The following SGCZ variants were observed in gnomAD, a reference collection of about 807,000 sequenced individuals.
SGCZ encodes the protein sarcoglycan zeta, also known as zeta-sarcoglycan.
A neutral mutation model predicts 41.3 loss-of-function variants in SGCZ; 40 were observed. That is an observed-to-expected ratio of 0.97 (90% confidence interval 0.75 to 1.26). The LOEUF (loss-of-function observed/expected upper bound fraction) is 1.26. SGCZ is among the 50% of genes most tolerant of loss of function. The probability of loss-of-function intolerance (pLI) is 0.00; values close to 1 mark genes in which losing one functional copy is unlikely to be tolerated. For missense variants in SGCZ, 552 were observed against 369.8 expected, an observed-to-expected ratio of 1.49 and a Z score of -4.04; for synonymous variants, 206 against 137.5, an observed-to-expected ratio of 1.50 and a Z score of -3.49.
At position 14,679,235 on chromosome 8, in the gene SGCZ, A is replaced by C. The variant is rs1808366835; in HGVS notation, c.40-124309T>G. Among the ~76,000 whole-genome samples the C allele has an allele frequency of 1.3e-5, 2 of 152,114 alleles. 1 individual carries two copies. Among genetic ancestry groups the C allele is most frequent in the South Asian group, 4.1e-4 (2 of 4,828 alleles). ...TGGTTCATATATTTACTATACCATA[A>C]ATTGTATTATTATTTTAGAGTGTGC... On this transcript the variant is annotated intron_variant, in intron 1 of 7. Transcript: ENST00000382080.
intron 1 of SGCZ, among the ~76,000 whole-genome samples, chr8:14,807,381 G>C (rs922427533): frequency 1.3e-4 from 20 of 152,194 alleles, no homozygotes; most frequent in Non-Finnish European, 2.4e-4. Context: ...CTTCAGCAAA[G>C]TCTCAGGACA....
chr8:14,524,308 T>C (rs1463824633), intron 2 of SGCZ, among the ~76,000 whole-genome samples: 1 of 152,002 alleles, frequency 6.6e-6, no homozygotes, highest in Non-Finnish European at 1.5e-5. Flanking sequence ...TCCAGGATCC[T>C]GTCCATTGAA....
chr8:14,289,427 C>G (rs1371921756), intron 3 of SGCZ, among the ~76,000 whole-genome samples: 1 of 151,884 alleles, frequency 6.6e-6, no homozygotes, highest in Non-Finnish European at 1.5e-5. Flanking sequence ...GTCTTAGATC[C>G]TTTATGAGAC....
intron 1 of SGCZ, among the ~76,000 whole-genome samples, chr8:15,131,580 T>C (rs1807902161): frequency 6.6e-6 from 1 of 152,218 alleles, no homozygotes; most frequent in South Asian, 2.1e-4. Context: ...TAAAGTGAAA[T>C]CATAAATATT....
intron 2 of SGCZ, among the ~76,000 whole-genome samples, chr8:14,552,986 G>C (rs186966830): frequency 6.6e-6 from 1 of 152,016 alleles, no homozygotes; most frequent in Admixed American, 6.6e-5. Flanking sequence ...TCAAAATTTG[G>C]AGAATATGCT....
At chr8:14,963,715 G>T (rs949413760) in intron 1 of SGCZ, among the ~76,000 whole-genome samples, 2 of 152,106 alleles carry the variant, frequency 1.3e-5, no homozygotes, top group East Asian at 3.9e-4. Context: ...AAAAGTCATG[G>T]TTGTTAAAAT....
chr8:14,989,320 G>A (rs576221127), intron 1 of SGCZ, among the ~76,000 whole-genome samples: 8 of 152,018 alleles, frequency 5.3e-5, no homozygotes, highest in African/African-American at 1.9e-4. Flanking sequence ...CAACGTACCA[G>A]AAAGATAAAT....
intron 1 of SGCZ, among the ~76,000 whole-genome samples, chr8:14,651,426 G>C (rs1807394825): frequency 6.6e-6 from 1 of 152,002 alleles, no homozygotes; most frequent in Admixed American, 6.6e-5. Context: ...AAATCATGCT[G>C]TTCTTAAAAT....
chr8:14,747,472 T>C (rs1447304463), intron 1 of SGCZ, among the ~76,000 whole-genome samples: 2 of 152,154 alleles, frequency 1.3e-5, no homozygotes, highest in South Asian at 2.1e-4. Context: ...CTAACACATA[T>C]ACTTATATCC....
At chr8:15,195,659 T>G (rs1220690002) in intron 1 of SGCZ, among the ~76,000 whole-genome samples, 2 of 152,174 alleles carry the variant, frequency 1.3e-5, no homozygotes, top group Non-Finnish European at 2.9e-5. Flanking sequence ...ATAAGGCAAC[T>G]AAACGTCTCT....
intron 1 of SGCZ, among the ~76,000 whole-genome samples, chr8:14,774,518 T>G (rs186964070): frequency 1.4e-4 from 21 of 152,298 alleles, no homozygotes; most frequent in Non-Finnish European, 2.4e-4. Flanking sequence ...TTGCAGCCCT[T>G]ATGGCTTCTC....
Position 14,205,721 on chromosome 8 carries a change from C to G in SGCZ, c.424+31871G>C, listed in dbSNP as rs370791325. Among the ~76,000 whole-genome samples the G allele has an allele frequency of 9.2e-5, 14 of 152,016 alleles. No homozygotes were observed. In the East Asian group the frequency reaches 1.3e-3, roughly 15 times the overall value. On this transcript the variant is annotated intron_variant, in intron 4 of 7. Coordinates refer to ENST00000382080, the MANE Select transcript of SGCZ (RefSeq NM_139167.4). ...AATTTTAAGTCTTAGTTGTAGACAC[C>G]AGCTTAATGTGGTTGAATGGCATAA...
At chr8:15,175,733 T>A (rs1799977440) in intron 1 of SGCZ, among the ~76,000 whole-genome samples, 1 of 151,982 alleles carries the variant, frequency 6.6e-6, no homozygotes, top group South Asian at 2.1e-4. Flanking sequence ...CTGGAACTTC[T>A]AAAAAAAATT....
At chr8:14,790,650 G>C (rs1275306436) in intron 1 of SGCZ, among the ~76,000 whole-genome samples, 3 of 152,160 alleles carry the variant, frequency 2.0e-5, no homozygotes, top group Admixed American at 6.5e-5. Flanking sequence ...TAAGTAATAA[G>C]ATTGATTCCA....
At position 15,228,212 on chromosome 8, in the gene SGCZ, G is replaced by C. The variant is rs56700085; in HGVS notation, c.39+9373C>G. On this transcript the variant is annotated intron_variant, in intron 1 of 7. Coordinates refer to ENST00000382080, the MANE Select transcript of SGCZ (RefSeq NM_139167.4). ...TGAAAGCAGGTTTGTATTGTAATTG[G>C]ACTCAGAAGCTCTTAAAAGATCTTC... is the stretch of plus-strand genomic sequence containing the variant. Among the ~76,000 whole-genome samples, 882 of 152,220 alleles carry C rather than the reference G, an allele frequency of 5.8e-3. 9 individuals carry two copies. Among genetic ancestry groups the C allele is most frequent in the African/African-American group, 0.021 (858 of 41,532 alleles).
chr8:14,452,136 A>G (rs1800612004), intron 2 of SGCZ, among the ~76,000 whole-genome samples: 2 of 152,214 alleles, frequency 1.3e-5, no homozygotes, highest in Non-Finnish European at 2.9e-5. Context: ...ATGGAATGTT[A>G]TTCAACACTA....
chr8:14,395,135 T>C (rs1798874888), intron 2 of SGCZ, among the ~76,000 whole-genome samples: 1 of 152,230 alleles, frequency 6.6e-6, no homozygotes, highest in East Asian at 1.9e-4. Context: ...ATAATTATTC[T>C]GTTCTTAGCT....
At chr8:15,058,940 T>A (rs998562935) in intron 1 of SGCZ, among the ~76,000 whole-genome samples, 1 of 152,198 alleles carries the variant, frequency 6.6e-6, no homozygotes, top group Non-Finnish European at 1.5e-5. Context: ...CAGGTGTTTT[T>A]AAAAGAAATT....
At chr8:14,768,851 T>C (rs1249569995) in intron 1 of SGCZ, among the ~76,000 whole-genome samples, 1 of 151,982 alleles carries the variant, frequency 6.6e-6, no homozygotes. Flanking sequence ...AGTCAGTCAC[T>C]GACAAAGGGT....
Sources: gnomAD v4.1 joint callset for allele counts (sites outside exome capture counted in the v4.1 genomes callset) on GRCh38, gnomAD v4.1.1 for gene constraint, MANE v1.5 for transcripts, NCBI Gene and HGNC (gene_info 2026-07-23, HGNC 2026-07-21) for gene names.